Variants in LMX1A observed in about 807,000 individuals in gnomAD.
LMX1A encodes LIM homeobox transcription factor 1 alpha, also known as LIM homeobox transcription factor 1-alpha.
Under a neutral mutation model 49.1 loss-of-function variants are expected in LMX1A, and 15 were observed. That is an observed-to-expected ratio of 0.31 (90% CI 0.20 to 0.47). The LOEUF (loss-of-function observed/expected upper bound fraction) is 0.47, where lower values mean the gene tolerates loss of function less well. LMX1A is among the 20% of genes least tolerant of loss of function. The probability of loss-of-function intolerance (pLI) is 1.00; values close to 1 mark genes in which losing one functional copy is unlikely to be tolerated. For missense variants in LMX1A, 372 were observed against 475.8 expected (o/e 0.78, Z 2.03); for synonymous variants, 167 against 185.7 (o/e 0.90, Z 0.82).
At chr1:165,232,885 G>C (rs1184961419) in intron 4 of LMX1A, among the ~76,000 whole-genome samples, 1 of 152,146 alleles carries the variant, frequency 6.6e-6, no homozygotes, top group Non-Finnish European at 1.5e-5. Context: ...TATGAAAAGG[G>C]CACTTTGGTG....
At position 165,218,667 on chromosome 1, in the gene LMX1A, A is replaced by T. The variant is rs147183585; in HGVS notation, c.497-4854T>A. 1.6e-4 allele frequency: 24 copies of T among 152,288 alleles called. No individual in the cohort carries two copies. The East Asian group carries it at 4.4e-3, about 28-fold the overall frequency. The allele number at this position is 152,288 out of a possible 1,614,324, so 9.4% of individuals were successfully genotyped here. On this transcript the variant is annotated intron_variant, in intron 4 of 8. Coordinates refer to ENST00000342310, the MANE Select transcript of LMX1A (RefSeq NM_177398.4). ...CAGTGCCTAAAATTTACACTGATCG[A>T]TTTGTTCACGAGAAAGGACATTTCT...
intron 4 of LMX1A, among the ~76,000 whole-genome samples, chr1:165,247,105 T>C (rs1438193516): frequency 2.4e-5 from 3 of 124,960 alleles, no homozygotes; most frequent in African/African-American, 9.3e-5. Flanking sequence ...GTGGAGCCAA[T>C]CCACTAATGC....
intron 3 of LMX1A, among the ~76,000 whole-genome samples, chr1:165,322,210 C>G (rs1178748579): frequency 6.6e-6 from 1 of 152,008 alleles, no homozygotes; most frequent in Non-Finnish European, 1.5e-5. Context: ...AATTGTAACC[C>G]TCATATATTG....
chr1:165,304,280 A>G (rs1185669391), intron 3 of LMX1A, among the ~76,000 whole-genome samples: 1 of 152,194 alleles, frequency 6.6e-6, no homozygotes, highest in Non-Finnish European at 1.5e-5. Flanking sequence ...TATAAACTTT[A>G]GCCTCTCCCA....
chr1:165,284,258 C>T (rs112022517), intron 3 of LMX1A, among the ~76,000 whole-genome samples: 2,694 of 152,262 alleles, frequency 0.018, 63 homozygotes, highest in African/African-American at 0.062. Flanking sequence ...CATTGTAAAG[C>T]GTGAGCTGTA....
Position 165,355,350 on chromosome 1 carries a change from G to T in LMX1A, c.76+134C>A. On this transcript the variant is annotated intron_variant, in intron 2 of 8. Coordinates refer to ENST00000342310, the MANE Select transcript of LMX1A (RefSeq NM_177398.4). The surrounding 1 kb of genome is among the most constrained non-coding windows in gnomAD (Gnocchi z 4.7). Reference sequence around the variant, plus strand: ...CCACAAGCACTGACGGACAGATAGTGATGGGGCTCAATTTAGTGTATGAAG... The same window carrying T: ...CCACAAGCACTGACGGACAGATAGTTATGGGGCTCAATTTAGTGTATGAAG... The T allele has an allele frequency of 1.3e-6, 1 of 791,764 alleles. No homozygotes were observed. Among genetic ancestry groups the T allele is most frequent in the Non-Finnish European group, 2.1e-6 (1 of 482,968 alleles). 49.0% of individuals were successfully genotyped at this position (791,764 alleles called of 1,614,324 possible).
At chr1:165,218,711 C>G (rs1258997738) in intron 4 of LMX1A, 2 of 152,212 alleles carry the variant, frequency 1.3e-5, no homozygotes. Flanking sequence ...CAGGAGACTG[C>G]CCCCAGAACC....
At position 165,213,575 on chromosome 1, in the gene LMX1A, A is replaced by C. The variant is rs1371335177; in HGVS notation, c.669+66T>G. ...GACCCCCAATGCCCACTGAGATCCC[A>C]GAGGGGTCTGAGTGCACACAGAGAA... On this transcript the variant is annotated intron_variant, in intron 5 of 8. Coordinates refer to ENST00000342310, the MANE Select transcript of LMX1A (RefSeq NM_177398.4). 2.8e-6 allele frequency: 4 copies of C among 1,417,868 alleles called. No homozygotes were observed. The East Asian group carries it at 6.8e-5, about 24-fold the overall frequency. The allele number at this position is 1,417,868 out of a possible 1,614,324, so 87.8% of individuals were successfully genotyped here. A position where few individuals can be genotyped will look rare whatever the true frequency, so the allele number is the denominator to read the frequency against.
At chr1:165,273,063 C>T (rs74953553) in intron 3 of LMX1A, among the ~76,000 whole-genome samples, 2 of 152,126 alleles carry the variant, frequency 1.3e-5, no homozygotes, top group African/African-American at 2.4e-5. Flanking sequence ...GAGACATGAA[C>T]GGGGAGGAGC....
intron 3 of LMX1A, among the ~76,000 whole-genome samples, chr1:165,260,107 G>C (rs866051554): frequency 5.3e-5 from 8 of 152,172 alleles, no homozygotes; most frequent in Admixed American, 2.6e-4. Context: ...TCCTTTTAGG[G>C]AGTTAAGGTT....
At chr1:165,252,501 C>A (rs1164101865) in intron 3 of LMX1A, among the ~76,000 whole-genome samples, 1 of 152,198 alleles carries the variant, frequency 6.6e-6, no homozygotes, top group East Asian at 1.9e-4. Context: ...CTAAGAATAT[C>A]TCTGGGATTC....
At chr1:165,212,038 T>C (rs1035280785) in intron 5 of LMX1A, among the ~76,000 whole-genome samples, 3 of 152,242 alleles carry the variant, frequency 2.0e-5, no homozygotes, top group African/African-American at 7.2e-5. Flanking sequence ...TTTGTCCTAG[T>C]GCAAGCCCAA....
chr1:165,319,042 C>CACACACACA (rs1491367292), intron 3 of LMX1A, among the ~76,000 whole-genome samples: 1 of 139,488 alleles, frequency 7.2e-6, no homozygotes, highest in African/African-American at 2.7e-5. Flanking sequence ...CACACACACA[C>CACACACACA]CCCAACTTCT....
intron 4 of LMX1A, among the ~76,000 whole-genome samples, chr1:165,225,492 T>C (rs971991579): frequency 1.3e-5 from 2 of 152,222 alleles, no homozygotes; most frequent in Non-Finnish European, 2.9e-5. Context: ...TTTGTGTAAT[T>C]AGTTAGCCTT....
intron 3 of LMX1A, among the ~76,000 whole-genome samples, chr1:165,329,949 T>A (rs574803408): frequency 6.6e-6 from 1 of 152,346 alleles, no homozygotes; most frequent in East Asian, 1.9e-4. Flanking sequence ...CTGCCACTCA[T>A]TAGCAATGTG....
chr1:165,266,081 A>G (rs1653610228), intron 3 of LMX1A, among the ~76,000 whole-genome samples: 2 of 152,358 alleles, frequency 1.3e-5, no homozygotes, highest in South Asian at 4.1e-4. Context: ...TTCTAGGAAT[A>G]TAACAGTAAA....
At chr1:165,299,959 C>A (rs535828764) in intron 3 of LMX1A, among the ~76,000 whole-genome samples, 2 of 152,080 alleles carry the variant, frequency 1.3e-5, no homozygotes, top group African/African-American at 2.4e-5. Context: ...TGACCCAGTA[C>A]GACTATAGGG....
At chr1:165,325,484 C>T (rs1910701) in intron 3 of LMX1A, among the ~76,000 whole-genome samples, 130,192 of 151,492 alleles carry the variant, frequency 0.86, 56,682 homozygotes, top group East Asian at 0.94. Context: ...TGTGTGTATA[C>T]ATTCTTTCCA....
rs1289746359 is a variant in LMX1A, at chr1:165,203,160, C to G, written c.*720G>C. 1.3e-5 allele frequency: 2 copies of G among 152,470 alleles called. No homozygotes were observed. The highest frequency in any genetic ancestry group is 4.8e-5 in the African/African-American group (2 of 41,422). 9.4% of individuals were successfully genotyped at this position (152,470 alleles called of 1,614,324 possible). A position where few individuals can be genotyped will look rare whatever the true frequency, so the allele number is the denominator to read the frequency against. ...CCCAGTGATTCAACCCCAAAGAGAG[C>G]AAGAATGCAAGAGAGAACACCATCA... On this transcript the variant is annotated 3_prime_UTR_variant, in exon 9 of 9. Transcript: ENST00000342310.
Sources: allele counts gnomAD v4.1 joint callset (sites outside exome capture counted in the v4.1 genomes callset), GRCh38; gene constraint gnomAD v4.1.1; non-coding constraint Gnocchi (gnomAD v3.1); transcripts MANE v1.5; gene names NCBI Gene and HGNC (gene_info 2026-07-23, HGNC 2026-07-21).